SALL3: variants seen among roughly 807,000 people sequenced by gnomAD.
SALL3 encodes sal-like protein 3.
In SALL3, 25 loss-of-function variants were observed where a neutral mutation model predicts 66.2. That is an observed-to-expected ratio of 0.38 (90% CI 0.28 to 0.53). The LOEUF (loss-of-function observed/expected upper bound fraction) is 0.53, where lower values mean the gene tolerates loss of function less well. Ranked by LOEUF, SALL3 falls within the 20% of genes least tolerant of loss-of-function variation. The pLI is 0.85. For missense variants in SALL3, 2,194 were observed against 1,916.5 expected (o/e 1.14, Z -2.70); for synonymous variants, 1,152 against 899.1 (o/e 1.28, Z -5.03).
chr18:78,984,198 C>T (rs928445859), intron 1 of SALL3, among the ~76,000 whole-genome samples: 2 of 152,196 alleles, frequency 1.3e-5, no homozygotes, highest in South Asian at 2.1e-4. Context: ...CTGTACCATT[C>T]ATTTCCAGGT....
rs565503370 is a variant in SALL3 at position 78,993,239 on chromosome 18, G to C, written c.1248G>C (p.Pro416=). 1 of 1,610,940 alleles carries C rather than the reference G, an allele frequency of 6.2e-7. No individual in the cohort carries two copies. Among genetic ancestry groups the C allele is most frequent in the Non-Finnish European group, 8.5e-7 (1 of 1,179,678 alleles). ...VFEPKASAED[P]FFKHKCRFCA... ...AGCCCAAAGCCAGCGCCGAGGACCC[G>C]TTCTTCAAGCACAAATGCCGCTTCT... Residue 416 remains proline (P), a synonymous_variant, in exon 2 of 3, where the codon CCG becomes CCC. Coordinates refer to ENST00000537592, the MANE Select transcript of SALL3 (RefSeq NM_171999.4).
Position 78,992,341 on chromosome 18 carries a change from C to G in SALL3, c.350C>G (p.Ala117Gly), listed in dbSNP as rs1193337415. ...AESEAAEEAG[A>G]EGAEGEARPV... ...AGCGAGGCGGCCGAGGAGGCGGGTG[C>G]GGAGGGCGCGGAGGGCGAGGCCAGG... is the stretch of plus-strand genomic sequence containing the variant. Residue 117 changes from alanine to glycine, a missense_variant, in exon 2 of 3, where the codon GCG becomes GGG. Ala to Gly is a moderately conservative substitution (Grantham distance 60, BLOSUM62 0). Coordinates refer to ENST00000537592, the MANE Select transcript of SALL3 (RefSeq NM_171999.4). The G allele has an allele frequency of 4.4e-6, 6 of 1,371,574 alleles. No homozygotes were observed. The highest frequency in any genetic ancestry group is 4.7e-6 in the Non-Finnish European group (5 of 1,070,440). 85.0% of individuals were successfully genotyped at this position (1,371,574 alleles called of 1,614,324 possible). A position where few individuals can be genotyped will look rare whatever the true frequency, so the allele number is the denominator to read the frequency against.
Position 78,992,316 on chromosome 18 carries a change from A to G in SALL3, c.325A>G (p.Ser109Gly), listed in dbSNP as rs779668699. ...PASSPSERAESEAAEEAGAEG... is the reference protein window; with the variant it reads ...PASSPSERAEGEAAEEAGAEG... ...CAGCTCCCCCAGCGAGCGCGCCGAA[A>G]GCGAGGCGGCCGAGGAGGCGGGTGC... The change falls in exon 2 of 3, where the codon AGC becomes GGC. Residue 109 changes from serine to glycine, a missense_variant. Ser to Gly is a moderately conservative substitution (Grantham distance 56). Transcript: ENST00000537592. 3 of 1,486,238 alleles carry G rather than the reference A, an allele frequency of 2.0e-6. No individual in the cohort carries two copies. The highest frequency in any genetic ancestry group is 2.7e-5 in the East Asian group (1 of 37,200). 92.1% of individuals were successfully genotyped at this position (1,486,238 alleles called of 1,614,324 possible).
chr18:78,982,296 C>T (rs1914098040), intron 1 of SALL3, among the ~76,000 whole-genome samples: 1 of 152,122 alleles, frequency 6.6e-6, no homozygotes, highest in Admixed American at 6.6e-5. Context: ...GCAAAATATT[C>T]AGGTTTTTTA....
In SALL3 at chr18:78,998,175, T is replaced by C. The variant is rs1400083400; in HGVS notation, c.*853T>C. Reference sequence around the variant, plus strand: ...ACAGTTGTGAGAAAATATTTCACATTATCAAAGCTGTACAATAAAAAGGTA... The same window carrying C: ...ACAGTTGTGAGAAAATATTTCACATCATCAAAGCTGTACAATAAAAAGGTA... On this transcript the variant is annotated 3_prime_UTR_variant, in exon 3 of 3. Coordinates refer to ENST00000537592, the MANE Select transcript of SALL3 (RefSeq NM_171999.4). 6.6e-6 allele frequency: 1 copy of C among 152,580 alleles called. No individual in the cohort carries two copies. The highest frequency in any genetic ancestry group is 2.4e-5 in the African/African-American group (1 of 41,454). The allele number at this position is 152,580 out of a possible 1,614,324, so 9.5% of individuals were successfully genotyped here. A position where few individuals can be genotyped will look rare whatever the true frequency, so the allele number is the denominator to read the frequency against.
At position 78,980,207 on chromosome 18, in the gene SALL3, C is replaced by T. The variant is rs1221293905; in HGVS notation, c.-68C>T. 1 of 794,040 alleles carries T rather than the reference C, an allele frequency of 1.3e-6. No homozygotes were observed. The highest frequency in any genetic ancestry group is 1.5e-6 in the Non-Finnish European group (1 of 658,312). 49.2% of individuals were successfully genotyped at this position (794,040 alleles called of 1,614,324 possible). A position where few individuals can be genotyped will look rare whatever the true frequency, so the allele number is the denominator to read the frequency against. ...GCGCCGCGCGCCCGCCAGGCCGCCC[C>T]GCGCCGTCCCCGCCGGCCGCCCCGC... is the stretch of plus-strand genomic sequence containing the variant. On this transcript the variant is annotated 5_prime_UTR_variant, in exon 1 of 3. Transcript: ENST00000537592.
chr18:78,982,077 TA>T (rs1914091004), intron 1 of SALL3, among the ~76,000 whole-genome samples: 1 of 152,238 alleles, frequency 6.6e-6, no homozygotes, highest in South Asian at 2.1e-4. Context: ...TTTTAATTAA[TA>T]GAGTAAACCC....
At chr18:78,980,936 G>T (rs1167544650) in intron 1 of SALL3, among the ~76,000 whole-genome samples, 2 of 152,224 alleles carry the variant, frequency 1.3e-5, no homozygotes, top group East Asian at 3.9e-4. Flanking sequence ...CCTAATGGCC[G>T]CCCGGGGAAT....
chr18:78,989,596 T>TTAA (rs1736436383), intron 1 of SALL3, among the ~76,000 whole-genome samples: 2 of 152,336 alleles, frequency 1.3e-5, no homozygotes, highest in African/African-American at 4.8e-5. Context: ...GAAAAAGTAT[T>TTAA]CTTTTAATAA....
rs1032015869 is a variant in SALL3 at position 78,994,771 on chromosome 18, A to C, written c.2780A>C (p.Glu927Ala). 62 of 1,598,946 alleles carry C rather than the reference A, an allele frequency of 3.9e-5. No homozygotes were observed. Among genetic ancestry groups the C allele is most frequent in the Non-Finnish European group, 5.0e-5 (59 of 1,176,742 alleles). The change falls in exon 2 of 3, where the codon GAG (glutamate) becomes GCG (alanine). Residue 927 changes from glutamate (E) to alanine (A), a missense_variant. Glu to Ala is a moderately radical substitution (Grantham distance 107). Coordinates refer to ENST00000537592, the MANE Select transcript of SALL3 (RefSeq NM_171999.4). The stretch of plus-strand genomic sequence containing the variant: ...TCCCCGGGCCTGGGCGCCCCGGAGG[A>C]GCCCCAGGAAATCCCGCTCAAGACC... ...SKSPGLGAPE[E>A]PQEIPLKTER... is the part of the protein sequence containing the mutation.
rs1191196328 is a variant in SALL3, at chr18:78,994,088, G to T, written c.2097G>T (p.Arg699=). ...SCQSALKMHY[R]THTGERPFKC... ...AGAGCGCGCTGAAGATGCACTACCGGACGCACACGGGGGAGCGGCCGTTCA... is the reference window on the plus strand; with the variant it reads ...AGAGCGCGCTGAAGATGCACTACCGTACGCACACGGGGGAGCGGCCGTTCA... The change falls in exon 2 of 3, where the codon CGG becomes CGT. Residue 699 remains arginine, a synonymous_variant. Coordinates refer to ENST00000537592, the MANE Select transcript of SALL3 (RefSeq NM_171999.4). 4 of 1,612,968 alleles carry T rather than the reference G, an allele frequency of 2.5e-6. No homozygotes were observed. Among genetic ancestry groups the T allele is most frequent in the East Asian group, 2.2e-5 (1 of 44,882 alleles).
intron 2 of SALL3, among the ~76,000 whole-genome samples, chr18:78,996,472 G>A (rs1914697011): frequency 6.6e-6 from 1 of 152,210 alleles, no homozygotes; most frequent in African/African-American, 2.4e-5. Flanking sequence ...GAGAAAGCAA[G>A]AGGAGAGGGG....
rs1236922900 is a variant in SALL3 at position 78,979,824 on chromosome 18, G to A, written c.-451G>A. ...GCGAGCCCGGCGCGCCGGCGGAGAC[G>A]GCGCCGCGCGGACGCCGCCAAAGTT... On this transcript the variant is annotated 5_prime_UTR_variant, in exon 1 of 3. Coordinates refer to ENST00000537592, the MANE Select transcript of SALL3 (RefSeq NM_171999.4). Among the ~76,000 whole-genome samples the A allele has an allele frequency of 6.9e-6, 1 of 144,948 alleles. No homozygotes were observed. The highest frequency in any genetic ancestry group is 1.5e-5 in the Non-Finnish European group (1 of 65,214).
chr18:78,994,694 C>T lies in SALL3; in HGVS notation c.2703C>T (p.Ser901=), dbSNP rs532617544. Residue 901 remains serine, a synonymous_variant, in exon 2 of 3, where the codon TCC becomes TCT. Coordinates refer to ENST00000537592, the MANE Select transcript of SALL3 (RefSeq NM_171999.4). The part of the protein sequence containing the change: ...AGSPALSESS[S]SQALSPAPSN... ...GCCCCGCCCTGTCCGAGTCCTCGTC[C>T]TCGCAGGCCCTGTCGCCGGCCCCCA... 6.2e-6 allele frequency: 10 copies of T among 1,606,722 alleles called. No homozygotes were observed. Among genetic ancestry groups the T allele is most frequent in the Non-Finnish European group, 8.5e-6 (10 of 1,179,464 alleles).
rs1418894607 is a variant in SALL3 at position 78,992,602 on chromosome 18, T to C, written c.611T>C (p.Leu204Pro). ...GGGVAAAAVPLILEQLMALQQ... is the reference protein window; with the variant it reads ...GGGVAAAAVPPILEQLMALQQ... ...GGCGTGGCAGCTGCAGCCGTGCCCCTGATCCTGGAACAGCTCATGGCCCTG... is the reference window on the plus strand; with the variant it reads ...GGCGTGGCAGCTGCAGCCGTGCCCCCGATCCTGGAACAGCTCATGGCCCTG... The change falls in exon 2 of 3, where the codon CTG (leucine) becomes CCG (proline). Residue 204 changes from leucine (L) to proline (P), a missense_variant. Transcript: ENST00000537592. The C allele has an allele frequency of 1.9e-6, 3 of 1,541,984 alleles. No individual in the cohort carries two copies. The highest frequency in any genetic ancestry group is 2.6e-6 in the Non-Finnish European group (3 of 1,152,338).
intron 1 of SALL3, among the ~76,000 whole-genome samples, chr18:78,987,355 C>T (rs1914278549): frequency 6.6e-6 from 1 of 152,144 alleles, no homozygotes; most frequent in East Asian, 1.9e-4. Context: ...TTTTGTTAAA[C>T]ATTCTGTGTA....
chr18:78,991,892 G>A (rs1274504926), intron 1 of SALL3, 182 bp from the exon 2 acceptor site: 1 of 471,102 alleles, frequency 2.1e-6, no homozygotes, highest in Non-Finnish European at 3.6e-6. Flanking sequence ...ATAATTTGAT[G>A]GATTGGGCTA....
At position 78,994,175 on chromosome 18, in the gene SALL3, G is replaced by C. The variant is rs199681655; in HGVS notation, c.2184G>C (p.Val728=). 1 of 1,613,210 alleles carries C rather than the reference G, an allele frequency of 6.2e-7. No individual in the cohort carries two copies. Among genetic ancestry groups the C allele is most frequent in the African/African-American group, 1.3e-5 (1 of 75,072 alleles). Residue 728 remains valine (V), a synonymous_variant, in exon 2 of 3, where the codon GTG becomes GTC. Transcript: ENST00000537592. Reference sequence around the variant, plus strand: ...GCAACCTCAAGACGCACTTCGGCGTGCACCGTGCAAAGCCGCCCCTGCGCG... The same window carrying C: ...GCAACCTCAAGACGCACTTCGGCGTCCACCGTGCAAAGCCGCCCCTGCGCG... ...TKGNLKTHFG[V]HRAKPPLRVQ...
rs1914478696 is a variant in SALL3, at chr18:78,992,502, C to T, written c.511C>T (p.Leu171=). 6.8e-7 allele frequency: 1 copy of T among 1,473,030 alleles called. No individual in the cohort carries two copies. Among genetic ancestry groups the T allele is most frequent in the Non-Finnish European group, 9.0e-7 (1 of 1,116,520 alleles). 91.2% of individuals were successfully genotyped at this position (1,473,030 alleles called of 1,614,324 possible). The change falls in exon 2 of 3, where the codon CTG becomes TTG. Residue 171 remains leucine (L), a synonymous_variant. Coordinates refer to ENST00000537592, the MANE Select transcript of SALL3 (RefSeq NM_171999.4). ...CAGCACCAACGTGACCCTGGAGGCG[C>T]TGCTGAGCACCAAGGTGGCGGTGGC... ...APSTNVTLEA[L]LSTKVAVAQF... is the part of the protein sequence containing the mutation.
Sources: allele counts gnomAD v4.1 joint callset (sites outside exome capture counted in the v4.1 genomes callset), GRCh38; gene constraint gnomAD v4.1.1; transcripts MANE v1.5; gene names NCBI Gene and HGNC (gene_info 2026-07-23, HGNC 2026-07-21).